The following PIP5K1B variants were observed in gnomAD, a reference collection of about 807,000 sequenced individuals.
PIP5K1B encodes the protein phosphatidylinositol-4-phosphate 5-kinase type 1 beta, also known as phosphatidylinositol 4-phosphate 5-kinase type-1 beta.
A neutral mutation model predicts 67.0 loss-of-function variants in PIP5K1B; 42 were observed. The observed-to-expected ratio is 0.63, with a 90% CI of 0.49 to 0.81. The LOEUF (loss-of-function observed/expected upper bound fraction) is 0.81. PIP5K1B is among the 30% of genes least tolerant of loss of function. The pLI is 0.00. For missense variants in PIP5K1B, 459 were observed against 646.3 expected (o/e 0.71, Z 3.14); for synonymous variants, 214 against 231.4 (o/e 0.92, Z 0.68).
chr9:68,977,291 G>T (rs977344969), intron 14 of PIP5K1B, among the ~76,000 whole-genome samples: 3 of 152,230 alleles, frequency 2.0e-5, no homozygotes, highest in African/African-American at 7.2e-5. Flanking sequence ...GGAGGCCAAG[G>T]CGAGCAGATC....
At chr9:68,951,496 ACT>A (rs2132689478) in intron 14 of PIP5K1B, among the ~76,000 whole-genome samples, 1 of 152,314 alleles carries the variant, frequency 6.6e-6, no homozygotes, top group East Asian at 1.9e-4. Flanking sequence ...CTGTGTGGTC[ACT>A]GAGTTGTGAC....
intron 4 of PIP5K1B, among the ~76,000 whole-genome samples, chr9:68,828,472 G>T (rs1346384313): frequency 2.0e-5 from 3 of 152,156 alleles, no homozygotes; most frequent in Admixed American, 2.0e-4. Flanking sequence ...TTTTCACTTT[G>T]TTTTATCTTT....
rs140294215 is a variant in PIP5K1B at position 68,748,708 on chromosome 9, G to A, written c.-86+6051G>A. On this transcript the variant is annotated intron_variant, in intron 2 of 15. Transcript: ENST00000265382. The stretch of plus-strand genomic sequence containing the variant: ...ACCATCTTGGCTCACTGCAACCTCC[G>A]CCTCCCAGGTTCAAGCGATTCTCCT... Among the ~76,000 whole-genome samples, 45 of 138,442 alleles carry A rather than the reference G, an allele frequency of 3.3e-4. No homozygotes were observed. The East Asian group carries it at 8.4e-3, about 26-fold the overall frequency. The allele number at this position is 138,442 out of a possible 152,430, so 90.8% of individuals were successfully genotyped here.
intron 1 of PIP5K1B, among the ~76,000 whole-genome samples, chr9:68,715,983 A>G (rs1382190277): frequency 1.3e-5 from 2 of 152,102 alleles, no homozygotes; most frequent in Non-Finnish European, 2.9e-5. Flanking sequence ...GCCTCTGGGG[A>G]GGTGAATTGG....
chr9:68,975,256 A>G (rs1451721166), intron 14 of PIP5K1B, among the ~76,000 whole-genome samples: 1 of 152,012 alleles, frequency 6.6e-6, no homozygotes, highest in Non-Finnish European at 1.5e-5. Context: ...TTTTGTAGAG[A>G]CAGGGTTTCG....
chr9:68,957,269 T>C (rs73647045), intron 14 of PIP5K1B, among the ~76,000 whole-genome samples: 9,460 of 151,632 alleles, frequency 0.062, 416 homozygotes, highest in African/African-American at 0.12. Context: ...AAATTCCTCA[T>C]TGCAAGGCTT....
At chr9:68,851,003 C>G (rs1231740662) in intron 4 of PIP5K1B, among the ~76,000 whole-genome samples, 1 of 152,180 alleles carries the variant, frequency 6.6e-6, no homozygotes, top group East Asian at 1.9e-4. Context: ...AGTTGATGGC[C>G]TGTCTCTTTT....
At chr9:68,766,187 A>G (rs1389230890) in intron 2 of PIP5K1B, among the ~76,000 whole-genome samples, 2 of 152,174 alleles carry the variant, frequency 1.3e-5, no homozygotes, top group Admixed American at 6.5e-5. Flanking sequence ...GACTTGGTGG[A>G]TATCTATAAC....
intron 14 of PIP5K1B, among the ~76,000 whole-genome samples, 187 bp from the exon 15 acceptor site, chr9:68,990,953 C>T (rs763082110): frequency 7.2e-5 from 11 of 152,048 alleles, no homozygotes; most frequent in Admixed American, 4.6e-4. Context: ...TGAGCCACCG[C>T]GCCTGGGCTA....
At chr9:68,762,527 C>T (rs1026275644) in intron 2 of PIP5K1B, among the ~76,000 whole-genome samples, 4 of 152,028 alleles carry the variant, frequency 2.6e-5, no homozygotes, top group Non-Finnish European at 5.9e-5. Flanking sequence ...TTATCAAAGG[C>T]TTAGAAGGAA....
intron 14 of PIP5K1B, among the ~76,000 whole-genome samples, chr9:68,971,407 C>T (rs1490747862): frequency 2.6e-5 from 4 of 152,138 alleles, no homozygotes; most frequent in East Asian, 1.9e-4. Context: ...ATGGGCATTT[C>T]GGTTGGTTCC....
intron 14 of PIP5K1B, among the ~76,000 whole-genome samples, chr9:68,977,928 T>C (rs28512475): frequency 1.1e-3 from 160 of 152,308 alleles, no homozygotes; most frequent in African/African-American, 3.8e-3. Flanking sequence ...ATTACAGGCG[T>C]GAGCCACCGC....
chr9:68,940,683 C>G lies in PIP5K1B; in HGVS notation c.1395C>G (p.Ser465Arg). 1.9e-6 allele frequency: 3 copies of G among 1,613,990 alleles called. No homozygotes were observed. Among genetic ancestry groups the G allele is most frequent in the Non-Finnish European group, 2.5e-6 (3 of 1,179,878 alleles). The change falls in exon 14 of 16, where the codon AGC (serine) becomes AGG (arginine). Residue 465 changes from serine (S) to arginine (R), a missense_variant. Physicochemically the swap from Ser to Arg is moderately radical, Grantham distance 110. Coordinates refer to ENST00000265382, the MANE Select transcript of PIP5K1B (RefSeq NM_003558.4). The part of the protein sequence containing the change: ...GSRHRPDLVP[S>R]TPSLFEAASL... ...GACACAGGCCAGACCTGGTCCCTAG[C>G]ACTCCATCACTGTTTGAAGCTGCTT...
chr9:68,992,780 C>T (rs1830434107), intron 15 of PIP5K1B, among the ~76,000 whole-genome samples: 1 of 130,268 alleles, frequency 7.7e-6, no homozygotes, highest in Non-Finnish European at 1.5e-5. Flanking sequence ...GCGGAGGTTG[C>T]AATGAGCCGA....
intron 1 of PIP5K1B, among the ~76,000 whole-genome samples, chr9:68,717,628 G>A (rs973319582): frequency 6.6e-5 from 10 of 152,036 alleles, no homozygotes; most frequent in Non-Finnish European, 1.5e-4. Flanking sequence ...AGAGCTTTCT[G>A]GGATCTCCTT....
intron 2 of PIP5K1B, among the ~76,000 whole-genome samples, chr9:68,799,723 G>T (rs1587470231): frequency 6.6e-6 from 1 of 152,222 alleles, no homozygotes; most frequent in African/African-American, 2.4e-5. Context: ...TATATCAGAC[G>T]CAAAACCAAC....
intron 2 of PIP5K1B, among the ~76,000 whole-genome samples, chr9:68,752,322 A>G (rs1829673638): frequency 6.6e-6 from 1 of 152,204 alleles, no homozygotes; most frequent in South Asian, 2.1e-4. Flanking sequence ...GAGATCTTCA[A>G]GTTCAGCTTG....
chr9:68,838,442 A>G (rs933258474), intron 4 of PIP5K1B, among the ~76,000 whole-genome samples: 2 of 152,360 alleles, frequency 1.3e-5, no homozygotes, highest in African/African-American at 4.8e-5. Context: ...TAATAGATAC[A>G]TAAATAAAAA....
intron 4 of PIP5K1B, among the ~76,000 whole-genome samples, 165 bp from the exon 5 acceptor site, chr9:68,863,672 A>G (rs977350831): frequency 1.3e-5 from 2 of 152,264 alleles, no homozygotes; most frequent in Admixed American, 6.5e-5. Flanking sequence ...TGTTTGGAAT[A>G]GATTCTGCAT....
Sources: gnomAD v4.1 joint callset for allele counts (sites outside exome capture counted in the v4.1 genomes callset) on GRCh38, gnomAD v4.1.1 for gene constraint, MANE v1.5 for transcripts, NCBI Gene and HGNC (gene_info 2026-07-23, HGNC 2026-07-21) for gene names.